Variants in GLT8D2 observed in about 807,000 individuals in gnomAD.
The protein encoded by GLT8D2 is glycosyltransferase 8 domain containing 2.
In GLT8D2, 45 loss-of-function variants were observed where a neutral mutation model predicts 44.5. The ratio of observed to expected loss-of-function variants is 1.01; its 90% CI spans 0.80 to 1.30. The LOEUF (loss-of-function observed/expected upper bound fraction) is 1.30, where lower values mean the gene tolerates loss of function less well. Among genes scored for constraint, GLT8D2 ranks in the 50% most tolerant of loss-of-function variants. The pLI, the probability that GLT8D2 is intolerant of heterozygous loss-of-function variation, is 0.00. For missense variants in GLT8D2, 400 were observed against 430.4 expected (o/e 0.93, Z 0.62); for synonymous variants, 156 against 157.2 (o/e 0.99, Z 0.06).
chr12:104,029,511 AAG>A (rs1298236021), intron 1 of GLT8D2, among the ~76,000 whole-genome samples: 1 of 152,120 alleles, frequency 6.6e-6, no homozygotes, highest in African/African-American at 2.4e-5. Flanking sequence ...TGTGTGTAGA[AAG>A]AGAGAGAGTG....
At chr12:104,024,037 A>T (rs1878246223) in intron 1 of GLT8D2, among the ~76,000 whole-genome samples, 1 of 152,170 alleles carries the variant, frequency 6.6e-6, no homozygotes, top group Non-Finnish European at 1.5e-5. Context: ...AACTACCTAG[A>T]AGTGGTATTG....
upstream of GLT8D2, among the ~76,000 whole-genome samples, chr12:104,053,316 G>C (rs185664997): frequency 2.0e-4 from 31 of 152,298 alleles, no homozygotes; most frequent in East Asian, 5.6e-3. Context: ...CCAAGGATGC[G>C]ATAGGCTTGT....
chr12:104,014,951 G>A, intron 4 of GLT8D2, 62 bp downstream of exon 4: 1 of 1,178,242 alleles, frequency 8.5e-7, no homozygotes, highest in Non-Finnish European at 1.3e-6. Flanking sequence ...AAAGGACCTA[G>A]AGGAACATAT....
chr12:104,058,621 AAGGCCAT>A (rs1296073390), intron 1 of GLT8D2, among the ~76,000 whole-genome samples: 1 of 152,198 alleles, frequency 6.6e-6, no homozygotes, highest in African/African-American at 2.4e-5. Context: ...TAATTTGACC[AAGGCCAT>A]ACAACTAGTT....
At chr12:104,019,389 A>C (rs1456004487) in intron 3 of GLT8D2, among the ~76,000 whole-genome samples, 2 of 152,036 alleles carry the variant, frequency 1.3e-5, no homozygotes, top group Non-Finnish European at 2.9e-5. Context: ...CAGCCTCCCA[A>C]AGTGCTAGGA....
rs1486555619 is a variant in GLT8D2, at chr12:103,989,356, A to G, written c.*52T>C. The G allele has an allele frequency of 4.9e-6, 7 of 1,432,902 alleles. No homozygotes were observed. The highest frequency in any genetic ancestry group is 1.4e-5 in the African/African-American group (1 of 70,236). 88.8% of individuals were successfully genotyped at this position (1,432,902 alleles called of 1,614,324 possible). ...AAGAACAATGTTATAGTTGGCTACA[A>G]AGGGACAATTCCACATTTCTATACA... On this transcript the variant is annotated 3_prime_UTR_variant, in exon 11 of 11. Transcript: ENST00000360814.
intron 1 of GLT8D2, among the ~76,000 whole-genome samples, chr12:104,044,544 C>T (rs934019383): frequency 1.3e-5 from 2 of 152,210 alleles, no homozygotes; most frequent in Admixed American, 6.5e-5. Context: ...TTAGCACCTC[C>T]CCTACAGAAA....
chr12:104,046,643 A>G (rs7971994), intron 1 of GLT8D2, among the ~76,000 whole-genome samples: 39,835 of 152,178 alleles, frequency 0.26, 6,314 homozygotes, highest in Non-Finnish European at 0.34. Flanking sequence ...AGAGCACTTC[A>G]TTTTAAGCTA....
At chr12:104,014,708 T>C (rs748262651) in intron 4 of GLT8D2, among the ~76,000 whole-genome samples, 6 of 152,174 alleles carry the variant, frequency 3.9e-5, no homozygotes, top group Non-Finnish European at 7.3e-5. Flanking sequence ...AACCAGGAGC[T>C]TATCGGAAAT....
chr12:103,994,540 A>G, intron 8 of GLT8D2, 39 bp from the exon 9 acceptor site: 1 of 1,532,076 alleles, frequency 6.5e-7, no homozygotes, highest in Non-Finnish European at 8.8e-7. Flanking sequence ...TGACCAGCGA[A>G]TCTTTTGTTT....
At chr12:104,053,815 C>T (rs888732343), upstream of GLT8D2, among the ~76,000 whole-genome samples, 18 of 151,518 alleles carry the variant, frequency 1.2e-4, no homozygotes, top group South Asian at 6.2e-4. Flanking sequence ...ACCCGGGAGG[C>T]GGAGTTTGCA....
chr12:104,058,949 G>A (rs1248463518), intron 1 of GLT8D2, among the ~76,000 whole-genome samples: 3 of 152,138 alleles, frequency 2.0e-5, no homozygotes, highest in African/African-American at 4.8e-5. Context: ...ACTCAATTAC[G>A]AATGGGCAGG....
chr12:104,042,759 CTGA>C (rs1421782507), intron 1 of GLT8D2, among the ~76,000 whole-genome samples: 2 of 152,148 alleles, frequency 1.3e-5, no homozygotes, highest in Non-Finnish European at 2.9e-5. Context: ...TGAAACATAG[CTGA>C]TGAGCTAAAC....
At chr12:104,039,751 A>T (rs1235095153) in intron 1 of GLT8D2, among the ~76,000 whole-genome samples, 1 of 152,212 alleles carries the variant, frequency 6.6e-6, no homozygotes, top group African/African-American at 2.4e-5. Flanking sequence ...TGCCTCAAGG[A>T]TCTAGAACTA....
At chr12:104,044,807 T>C (rs1330843892) in intron 1 of GLT8D2, among the ~76,000 whole-genome samples, 1 of 152,260 alleles carries the variant, frequency 6.6e-6, no homozygotes, top group Non-Finnish European at 1.5e-5. Context: ...TTTTGTTTGA[T>C]TTCCTTTTTC....
At chr12:104,041,387 C>G (rs1048317449) in intron 1 of GLT8D2, among the ~76,000 whole-genome samples, 17 of 152,154 alleles carry the variant, frequency 1.1e-4, no homozygotes, top group African/African-American at 4.1e-4. Flanking sequence ...GCACTCCAGC[C>G]TGGGCGACAG....
At chr12:104,015,193 C>G (rs1172965182) in intron 3 of GLT8D2, 88 bp from the exon 4 acceptor site, 2 of 897,200 alleles carry the variant, frequency 2.2e-6, no homozygotes, top group Admixed American at 3.9e-5. Flanking sequence ...GAGTAGGTGC[C>G]TTCCATGACA....
At chr12:104,018,295 T>C (rs1877150848) in intron 3 of GLT8D2, among the ~76,000 whole-genome samples, 1 of 152,172 alleles carries the variant, frequency 6.6e-6, no homozygotes, top group Non-Finnish European at 1.5e-5. Context: ...ATTATTTTTA[T>C]GCATCAAGAG....
chr12:104,063,075 C>T (rs1882819532), intron 1 of GLT8D2, among the ~76,000 whole-genome samples: 1 of 152,110 alleles, frequency 6.6e-6, no homozygotes, highest in Non-Finnish European at 1.5e-5. Context: ...AACCATAGCC[C>T]CCATCCCCTT....
Sources: gnomAD v4.1 joint callset for allele counts (sites outside exome capture counted in the v4.1 genomes callset) on GRCh38, gnomAD v4.1.1 for gene constraint, MANE v1.5 for transcripts, NCBI Gene and HGNC (gene_info 2026-07-23, HGNC 2026-07-21) for gene names.